BABAM2: variants seen among roughly 807,000 people sequenced by gnomAD.
The protein encoded by BABAM2 is BRISC and BRCA1 A complex member 2.
Under a neutral mutation model 54.7 loss-of-function variants are expected in BABAM2, and 31 were observed. The observed-to-expected ratio is 0.57, with a 90% CI of 0.43 to 0.77. BABAM2 has a LOEUF of 0.77. Among genes scored for constraint, BABAM2 ranks in the 30% least tolerant of loss-of-function variants. The pLI is 0.00. For missense variants in BABAM2, 364 were observed against 455.8 expected (o/e 0.80, Z 1.83); for synonymous variants, 167 against 162.9 (o/e 1.03, Z -0.19).
At chr2:28,204,613 G>A (rs969803159) in intron 7 of BABAM2, among the ~76,000 whole-genome samples, 1 of 152,010 alleles carries the variant, frequency 6.6e-6, no homozygotes, top group African/African-American at 2.4e-5. Context: ...AACTCAGCCT[G>A]AAGTTTCACT....
intron 6 of BABAM2, among the ~76,000 whole-genome samples, chr2:28,127,587 G>C (rs1415796344): frequency 3.9e-5 from 6 of 152,028 alleles, no homozygotes; most frequent in Non-Finnish European, 8.8e-5. Flanking sequence ...TCTTTTTTAG[G>C]ATGGGAGAGA....
intron 11 of BABAM2, among the ~76,000 whole-genome samples, chr2:28,314,419 G>T (rs1252360152): frequency 6.6e-6 from 1 of 152,134 alleles, no homozygotes; most frequent in Non-Finnish European, 1.5e-5. Flanking sequence ...TCAGATTAAG[G>T]TCTGAGTTAT....
At chr2:28,117,555 C>T (rs894553656) in intron 6 of BABAM2, among the ~76,000 whole-genome samples, 2 of 152,170 alleles carry the variant, frequency 1.3e-5, no homozygotes, top group Non-Finnish European at 2.9e-5. Context: ...CCTGGACTCT[C>T]TCCTCTCTTG....
At chr2:28,027,983 ATT>A (rs1325778052) in intron 5 of BABAM2, among the ~76,000 whole-genome samples, 1 of 152,156 alleles carries the variant, frequency 6.6e-6, no homozygotes, top group East Asian at 1.9e-4. Flanking sequence ...AAACAATAAC[ATT>A]TATTATCATA....
chr2:27,969,351 G>A (rs186109357), intron 3 of BABAM2, among the ~76,000 whole-genome samples: 114 of 152,252 alleles, frequency 7.5e-4, no homozygotes, highest in East Asian at 3.9e-3. Flanking sequence ...GTGAGGGGGT[G>A]GGGAAGAGAA....
chr2:27,962,540 G>A (rs1431987972), intron 3 of BABAM2, among the ~76,000 whole-genome samples: 3 of 152,152 alleles, frequency 2.0e-5, no homozygotes, highest in African/African-American at 2.4e-5. Flanking sequence ...TACTTAAAAT[G>A]TATTTAGAAA....
intron 6 of BABAM2, among the ~76,000 whole-genome samples, chr2:28,077,780 T>A (rs1664816018): frequency 6.6e-6 from 1 of 152,162 alleles, no homozygotes; most frequent in African/African-American, 2.4e-5. Flanking sequence ...TCAGACTTCC[T>A]TTTCTTGATT....
At position 28,276,573 on chromosome 2, in the gene BABAM2, A is replaced by G. The variant is rs1350556035; in HGVS notation, c.935-21765A>G. ...CCCATTGAGCCTGCTGGTACACATC[A>G]CAGTGCCCACCTTCTTCGTGTTTGG... is the stretch of plus-strand genomic sequence containing the variant. On this transcript the variant is annotated intron_variant, in intron 10 of 11. Transcript: ENST00000379624. Among the ~76,000 whole-genome samples, 8 of 152,296 alleles carry G rather than the reference A, an allele frequency of 5.3e-5. No homozygotes were observed. In the East Asian group the frequency reaches 1.5e-3, roughly 29 times the overall value.
At chr2:27,970,634 T>C (rs1274053036) in intron 3 of BABAM2, among the ~76,000 whole-genome samples, 1 of 152,172 alleles carries the variant, frequency 6.6e-6, no homozygotes, top group Non-Finnish European at 1.5e-5. Flanking sequence ...ACTCAAGAAA[T>C]GTAACATGGT....
At chr2:28,226,597 C>A (rs2148028124) in intron 7 of BABAM2, among the ~76,000 whole-genome samples, 1 of 152,230 alleles carries the variant, frequency 6.6e-6, no homozygotes, top group African/African-American at 2.4e-5. Flanking sequence ...AAAACGACAA[C>A]ACAGAAGACC....
chr2:28,087,608 A>G (rs1384748523), intron 6 of BABAM2, among the ~76,000 whole-genome samples: 1 of 151,582 alleles, frequency 6.6e-6, no homozygotes, highest in Non-Finnish European at 1.5e-5. Flanking sequence ...TCTCACTGCA[A>G]CTGCCAGTAC....
intron 10 of BABAM2, among the ~76,000 whole-genome samples, chr2:28,250,318 CTTT>C (rs35545683): frequency 1.7e-5 from 2 of 118,796 alleles, no homozygotes; most frequent in East Asian, 2.5e-4. Context: ...ATTTGTTGAA[CTTT>C]TTTTTTTTTT....
chr2:27,976,506 C>A (rs1161774837), intron 3 of BABAM2, among the ~76,000 whole-genome samples: 1 of 151,966 alleles, frequency 6.6e-6, no homozygotes, highest in Admixed American at 6.6e-5. Flanking sequence ...TGGAAAAATG[C>A]AAAACTGAAG....
intron 3 of BABAM2, among the ~76,000 whole-genome samples, chr2:27,953,871 A>G (rs1669915248): frequency 6.6e-6 from 1 of 152,300 alleles, no homozygotes; most frequent in African/African-American, 2.4e-5. Context: ...GACCAGATAC[A>G]TCTAATTTGT....
intron 2 of BABAM2, among the ~76,000 whole-genome samples, chr2:27,922,279 A>G (rs1667395110): frequency 6.6e-6 from 1 of 152,244 alleles, no homozygotes; most frequent in Non-Finnish European, 1.5e-5. Context: ...CTTAAAAAGG[A>G]GTATAACATA....
chr2:28,179,701 A>G (rs2147877861), intron 7 of BABAM2, among the ~76,000 whole-genome samples: 2 of 152,330 alleles, frequency 1.3e-5, no homozygotes, highest in Middle Eastern at 3.4e-3. Context: ...CTTTTTGCAG[A>G]TAATGTGATC....
chr2:28,071,881 G>C (rs1664174484), intron 6 of BABAM2, among the ~76,000 whole-genome samples: 1 of 152,164 alleles, frequency 6.6e-6, no homozygotes, highest in Non-Finnish European at 1.5e-5. Flanking sequence ...TTGGCCAGCT[G>C]TAGCCTCTTC....
chr2:27,910,025 G>A (rs913396590), intron 2 of BABAM2, among the ~76,000 whole-genome samples: 1 of 152,180 alleles, frequency 6.6e-6, no homozygotes, highest in Non-Finnish European at 1.5e-5. Flanking sequence ...AGTAAGTTGC[G>A]TGACTTGTTC....
chr2:28,241,945 C>G (rs2148070722), intron 9 of BABAM2, among the ~76,000 whole-genome samples: 1 of 149,668 alleles, frequency 6.7e-6, no homozygotes, highest in African/African-American at 2.5e-5. Context: ...CTGGACAGCC[C>G]TGAACTCAAC....
Sources: gnomAD v4.1 joint callset for allele counts (sites outside exome capture counted in the v4.1 genomes callset) on GRCh38, gnomAD v4.1.1 for gene constraint, MANE v1.5 for transcripts, NCBI Gene and HGNC (gene_info 2026-07-23, HGNC 2026-07-21) for gene names.